The following PZP variants were observed in gnomAD, a reference collection of about 807,000 sequenced individuals.
PZP encodes the protein pregnancy zone protein.
PZP carries 150 observed loss-of-function variants against 179.8 expected under a neutral mutation model. The ratio of observed to expected loss-of-function variants is 0.83; its 90% CI spans 0.73 to 0.96. The LOEUF (loss-of-function observed/expected upper bound fraction) is 0.96. Ranked by LOEUF, PZP falls within the 40% of genes least tolerant of loss-of-function variation. The probability of loss-of-function intolerance (pLI) is 0.00; values close to 1 mark genes in which losing one functional copy is unlikely to be tolerated. For missense variants in PZP, 1,689 were observed against 1,764.0 expected, an observed-to-expected ratio of 0.96 and a Z score of 0.76; for synonymous variants, 624 against 652.3, an observed-to-expected ratio of 0.96 and a Z score of 0.66.
chr12:9,169,851 G>A (rs932592061), intron 15 of PZP: 3 of 293,934 alleles, frequency 1.0e-5, no homozygotes, highest in Non-Finnish European at 1.9e-5. Flanking sequence ...TCATTGTAGA[G>A]TCTAGAGGTA....
chr12:9,198,393 T>C (rs943842212), intron 7 of PZP, among the ~76,000 whole-genome samples: 11 of 152,170 alleles, frequency 7.2e-5, no homozygotes, highest in African/African-American at 2.4e-4. Context: ...CTATCATTCT[T>C]CTTTATTTTG....
In PZP at chr12:9,192,701, T is replaced by C. The variant is rs756582177; in HGVS notation, c.1293A>G (p.Ser431=). 1.2e-6 allele frequency: 2 copies of C among 1,613,456 alleles called. No homozygotes were observed. The highest frequency in any genetic ancestry group is 1.7e-6 in the Non-Finnish European group (2 of 1,179,404). Residue 431 remains serine (S), a synonymous_variant, in exon 12 of 36, where the codon TCA becomes TCG. Coordinates refer to ENST00000261336, the MANE Select transcript of PZP (RefSeq NM_002864.3). The stretch of plus-strand genomic sequence containing the variant: ...CACCCTGGTGGTCTTCTGCTACCCA[T>C]GAATAGTGAAAACACAAGTTGGGAT... The part of the protein sequence containing the change: ...TVHPNLCFHY[S]WVAEDHQGAQ...
intron 18 of PZP, 102 bp downstream of exon 18, chr12:9,165,950 T>G (rs1031916892): frequency 3.6e-6 from 5 of 1,395,066 alleles, no homozygotes; most frequent in Non-Finnish European, 3.9e-6. Context: ...GAGGTTAAGA[T>G]AATTATTCAG....
rs550158978 is a variant in PZP, at chr12:9,163,188, G to A, written c.2736+480C>T. On this transcript the variant is annotated intron_variant, in intron 21 of 35. Coordinates refer to ENST00000261336, the MANE Select transcript of PZP (RefSeq NM_002864.3). ...AGAGAGGTGGAGATCAAGAAATTGC[G>A]CTCAATGTAATCCCAGCACTTTGGG... 3.3e-5 allele frequency among the ~76,000 whole-genome samples: 5 copies of A among 151,454 alleles called. 1 individual carries two copies. The highest frequency in any genetic ancestry group is 6.8e-3 in the Middle Eastern group (2 of 294).
At chr12:9,187,234 A>G (rs1257930225) in intron 13 of PZP, among the ~76,000 whole-genome samples, 1 of 152,158 alleles carries the variant, frequency 6.6e-6, no homozygotes, top group East Asian at 1.9e-4. Flanking sequence ...AGACTCCCAC[A>G]CAATAATATT....
chr12:9,160,119 T>G, intron 24 of PZP, 94 bp from the exon 25 acceptor site: 2 of 1,278,172 alleles, frequency 1.6e-6, no homozygotes, highest in Non-Finnish European at 2.2e-6. Flanking sequence ...CATGGACATT[T>G]TATGACCTTC....
chr12:9,205,148 GTCTTT>G (rs1944385316), intron 1 of PZP, among the ~76,000 whole-genome samples: 1 of 152,078 alleles, frequency 6.6e-6, no homozygotes, highest in Non-Finnish European at 1.5e-5. Context: ...ATTTTGAAAA[GTCTTT>G]TCTTTTTTAT....
In PZP at chr12:9,164,161, C is replaced by A. The variant is rs1182572305; in HGVS notation, c.2586G>T (p.Leu862Phe). 3.7e-6 allele frequency: 6 copies of A among 1,611,752 alleles called. No homozygotes were observed. The highest frequency in any genetic ancestry group is 3.3e-5 in the Admixed American group (2 of 60,014). ...YCICGNERQT[L>F]SWTVTPKTLG... ...GAGTTTTAGGAGTCACTGTCCAAGA[C>A]AAGGTTTGTCTCTCATTTCCACAGA... The change falls in exon 20 of 36, where the codon TTG becomes TTT. Residue 862 changes from leucine (L) to phenylalanine (F), a missense_variant. By Grantham distance (22) the Leu-to-Phe change is conservative. Transcript: ENST00000261336.
chr12:9,139,326 C>T, the PZP span, among the ~76,000 whole-genome samples: 1 of 152,010 alleles, frequency 6.6e-6, no homozygotes, highest in African/African-American at 2.4e-5. Context: ...TTTGTTATAA[C>T]TTATTTTGTG....
intron 15 of PZP, among the ~76,000 whole-genome samples, chr12:9,177,370 C>A (rs1255296851): frequency 1.3e-5 from 2 of 152,330 alleles, no homozygotes; most frequent in East Asian, 3.9e-4. Flanking sequence ...GGAAGCAGAT[C>A]TTCCAACCTC....
At position 9,192,628 on chromosome 12, in the gene PZP, G is replaced by C. The variant is rs372146588; in HGVS notation, c.1366C>G (p.His456Asp). The change falls in exon 12 of 36, where the codon CAC becomes GAC. Residue 456 changes from histidine to aspartate, a missense_variant. Coordinates refer to ENST00000261336, the MANE Select transcript of PZP (RefSeq NM_002864.3). Reference sequence around the variant, plus strand: ...AGGGTACCAGCCACAGGCTCCAGGTGAATGTAACTTCCACTTAAGGAGAAA... The same window carrying C: ...AGGGTACCAGCCACAGGCTCCAGGTCAATGTAACTTCCACTTAAGGAGAAA... ...RVFSLSGSYI[H>D]LEPVAGTLPC... 6.2e-7 allele frequency: 1 copy of C among 1,614,124 alleles called. No homozygotes were observed. The highest frequency in any genetic ancestry group is 8.5e-7 in the Non-Finnish European group (1 of 1,179,930).
chr12:9,152,718 T>A, intron 31 of PZP, 106 bp downstream of exon 31: 1 of 1,210,570 alleles, frequency 8.3e-7, no homozygotes, highest in Non-Finnish European at 1.1e-6. Flanking sequence ...ATATCAATTC[T>A]AAATTATATT....
chr12:9,144,165 A>AAGAGAGAG (rs375691030), downstream of PZP, among the ~76,000 whole-genome samples: 2 of 149,488 alleles, frequency 1.3e-5, no homozygotes, highest in African/African-American at 4.9e-5. Flanking sequence ...CCACATGAGG[A>AAGAGAGAG]AGAGAGAGAG....
Position 9,170,609 on chromosome 12 carries a change from G to T in PZP, c.1840-1018C>A, listed in dbSNP as rs1411851529. ...AGATGGACCTGAGTTCCTGCAGGGA[G>T]AGGTGGGTGCCATCTCTGTGGTTCT... On this transcript the variant is annotated intron_variant, in intron 15 of 35. Coordinates refer to ENST00000261336, the MANE Select transcript of PZP (RefSeq NM_002864.3). This position sits in a 1 kb window ranked among gnomAD's most constrained non-coding sequence, Gnocchi z 4.6. Among the ~76,000 whole-genome samples the T allele has an allele frequency of 3.3e-5, 5 of 152,196 alleles. No individual in the cohort carries two copies. The highest frequency in any genetic ancestry group is 1.9e-4 in the East Asian group (1 of 5,194).
chr12:9,193,696 C>T lies in PZP; in HGVS notation c.1254+381G>A, dbSNP rs115001312. Among the ~76,000 whole-genome samples, 1,048 of 152,170 alleles carry T rather than the reference C, an allele frequency of 6.9e-3. 14 individuals carry two copies. Among genetic ancestry groups the T allele is most frequent in the African/African-American group, 0.024 (1,002 of 41,524 alleles). Reference sequence around the variant, plus strand: ...TTAGCTAGGGAAATCTTTTGATCATCGTCATTAGACAGTGTATATTAAGTG... The same window carrying T: ...TTAGCTAGGGAAATCTTTTGATCATTGTCATTAGACAGTGTATATTAAGTG... On this transcript the variant is annotated intron_variant, in intron 11 of 35. Coordinates refer to ENST00000261336, the MANE Select transcript of PZP (RefSeq NM_002864.3).
rs138807704 is a variant in PZP at position 9,157,929 on chromosome 12, C to A, written c.3295-88G>T. On this transcript the variant is annotated intron_variant, in intron 26 of 35. Coordinates refer to ENST00000261336, the MANE Select transcript of PZP (RefSeq NM_002864.3). ...GTTTGATGGAAACGCTCCTCAGTAT[C>A]TGTTTCCATTCAAAGTATACCATTT... 1.5e-3 allele frequency: 1,646 copies of A among 1,071,722 alleles called. 16 individuals carry two copies. In the African/African-American group the frequency reaches 0.021, roughly 13 times the overall value. 66.4% of individuals were successfully genotyped at this position (1,071,722 alleles called of 1,614,324 possible). A position where few individuals can be genotyped will look rare whatever the true frequency, so the allele number is the denominator to read the frequency against.
intron 17 of PZP, 34 bp downstream of exon 17, chr12:9,168,835 A>G (rs1288320650): frequency 6.7e-7 from 1 of 1,497,212 alleles, no homozygotes; most frequent in Admixed American, 1.7e-5. Flanking sequence ...ATTGTTGGAC[A>G]TGAAATAAAA....
intron 13 of PZP, among the ~76,000 whole-genome samples, chr12:9,182,501 TATA>T (rs1023499000): frequency 4.6e-5 from 7 of 152,212 alleles, no homozygotes; most frequent in Admixed American, 4.6e-4. Flanking sequence ...ATTTGTAAGA[TATA>T]ATAAGTTTAT....
rs111932802 is a variant in PZP at position 9,189,437 on chromosome 12, A to G, written c.1546+2756T>C. 4.1e-4 allele frequency among the ~76,000 whole-genome samples: 62 copies of G among 152,378 alleles called. 1 individual carries two copies. Among genetic ancestry groups the G allele is most frequent in the Middle Eastern group, 3.4e-3 (1 of 294 alleles). ...ATGGTGCTGAGATAACTGGCTAGCC[A>G]TAGGCAGAAGATTGAAACTGGATCC... On this transcript the variant is annotated intron_variant, in intron 13 of 35. Coordinates refer to ENST00000261336, the MANE Select transcript of PZP (RefSeq NM_002864.3).
Sources: gnomAD v4.1 joint callset for allele counts (sites outside exome capture counted in the v4.1 genomes callset) on GRCh38, gnomAD v4.1.1 for gene constraint, Gnocchi (gnomAD v3.1) non-coding constraint, MANE v1.5 for transcripts, NCBI Gene and HGNC (gene_info 2026-07-23, HGNC 2026-07-21) for gene names.